Variants in RANBP2 observed in about 807,000 individuals in gnomAD.
RANBP2 encodes the protein E3 SUMO-protein ligase RanBP2.
RANBP2 carries 57 observed loss-of-function variants against 303.6 expected under a neutral mutation model. The ratio of observed to expected loss-of-function variants is 0.19; its 90% CI spans 0.15 to 0.23. The LOEUF (loss-of-function observed/expected upper bound fraction) is 0.23, where lower values mean the gene tolerates loss of function less well. RANBP2 is among the 10% of genes least tolerant of loss of function. The pLI, the probability that RANBP2 is intolerant of heterozygous loss-of-function variation, is 1.00. For synonymous variants in RANBP2, 1,167 were observed against 1,301.5 expected (o/e 0.90, Z 2.23); for missense variants, 3,138 against 3,780.8 (o/e 0.83, Z 4.46).
At chr2:109,316,391 T>C in the RANBP2 span, among the ~76,000 whole-genome samples, 3 of 152,166 alleles carry the variant, frequency 2.0e-5, no homozygotes, top group African/African-American at 7.2e-5. Flanking sequence ...GTGCCATGTT[T>C]CTCCCTGGCT....
the RANBP2 span, among the ~76,000 whole-genome samples, chr2:109,509,507 G>T: frequency 1.3e-5 from 2 of 151,956 alleles, no homozygotes; most frequent in Admixed American, 6.6e-5. Context: ...GTGGCGGGTC[G>T]TCTTGCCCGG....
the RANBP2 span, among the ~76,000 whole-genome samples, chr2:109,590,727 C>A: frequency 1.3e-5 from 2 of 152,270 alleles, no homozygotes; most frequent in East Asian, 3.9e-4. Flanking sequence ...TTATGCCCAG[C>A]CATGAGGTAA....
chr2:109,493,912 C>T, the RANBP2 span, among the ~76,000 whole-genome samples: 3 of 152,196 alleles, frequency 2.0e-5, no homozygotes, highest in Non-Finnish European at 4.4e-5. Context: ...CCTCCTCCTC[C>T]ACTTCCTCCA....
chr2:108,805,154 A>G, the RANBP2 span: 1 of 403,164 alleles, frequency 2.5e-6, no homozygotes, highest in Non-Finnish European at 4.3e-6. Context: ...ATACTTCCAA[A>G]TGTAAATAAA....
At chr2:109,229,625 G>A in the RANBP2 span, among the ~76,000 whole-genome samples, 1 of 152,084 alleles carries the variant, frequency 6.6e-6, no homozygotes, top group African/African-American at 2.4e-5. Flanking sequence ...TCTAGGAATT[G>A]GCAGCCCCTC....
intron 21 of RANBP2, 111 bp from the exon 22 acceptor site, chr2:108,772,378 G>A (rs1168491019): frequency 1.3e-6 from 1 of 768,804 alleles, no homozygotes; most frequent in African/African-American, 1.7e-5. Flanking sequence ...ATATAAAATT[G>A]GCTGCAATTC....
At chr2:108,926,348 G>A in the RANBP2 span, among the ~76,000 whole-genome samples, 2 of 152,168 alleles carry the variant, frequency 1.3e-5, no homozygotes, top group Admixed American at 6.5e-5. Context: ...TATAGCCCAG[G>A]ACAAGAGTCA....
the RANBP2 span, among the ~76,000 whole-genome samples, chr2:109,170,067 C>T: frequency 4.5e-4 from 69 of 152,290 alleles, 1 homozygote; most frequent in African/African-American, 1.5e-3. Flanking sequence ...GGCATTTTGG[C>T]CAAAACACTT....
At chr2:109,129,119 C>T in the RANBP2 span, 1 of 356,332 alleles carries the variant, frequency 2.8e-6, no homozygotes, top group Non-Finnish European at 5.3e-6. Flanking sequence ...GCGTGCACGC[C>T]GCGCCCCGGC....
intron 1 of RANBP2, among the ~76,000 whole-genome samples, chr2:108,726,307 A>G (rs558168017): frequency 1.2e-4 from 18 of 152,306 alleles, no homozygotes; most frequent in Admixed American, 5.9e-4. Context: ...GGAGTATTGC[A>G]GTGCTTGTGT....
chr2:109,397,900 C>T, the RANBP2 span, among the ~76,000 whole-genome samples: 5 of 152,234 alleles, frequency 3.3e-5, no homozygotes, highest in Admixed American at 6.5e-5. Flanking sequence ...CGCACAACGC[C>T]TGCTATCTTG....
chr2:109,377,243 G>A, the RANBP2 span, among the ~76,000 whole-genome samples: 1 of 152,194 alleles, frequency 6.6e-6, no homozygotes, highest in Non-Finnish European at 1.5e-5. Flanking sequence ...AAGCCTGAGG[G>A]TGCTGGACCT....
chr2:109,092,425 A>C, the RANBP2 span, among the ~76,000 whole-genome samples: 3 of 152,162 alleles, frequency 2.0e-5, no homozygotes, highest in Non-Finnish European at 4.4e-5. Flanking sequence ...GAATGAGGTG[A>C]CTAGTGTCTG....
In RANBP2 at chr2:108,748,905, A is replaced by C; in HGVS notation, c.1064-15A>C. 1 of 1,611,696 alleles carries C rather than the reference A, an allele frequency of 6.2e-7. No individual in the cohort carries two copies. Among genetic ancestry groups the C allele is most frequent in the African/African-American group, 1.3e-5 (1 of 74,712 alleles). On this transcript the variant is annotated splice_polypyrimidine_tract_variant and intron_variant, in intron 8 of 28. Coordinates refer to ENST00000283195, the MANE Select transcript of RANBP2 (RefSeq NM_006267.5). ...AATTTTAAAGTGATGGAAATAACTT[A>C]AATTTTTTTTTCAGGGCACATGTTG...
chr2:109,394,006 G>A, the RANBP2 span, among the ~76,000 whole-genome samples: 1 of 152,120 alleles, frequency 6.6e-6, no homozygotes. Flanking sequence ...GGAGTCAGGA[G>A]ACCCATGGCT....
At chr2:109,324,583 C>G in the RANBP2 span, among the ~76,000 whole-genome samples, 1 of 152,158 alleles carries the variant, frequency 6.6e-6, no homozygotes. Flanking sequence ...GGTTGATGAT[C>G]TGTTGACTAA....
At chr2:108,797,220 T>C in the RANBP2 span, among the ~76,000 whole-genome samples, 1 of 152,026 alleles carries the variant, frequency 6.6e-6, no homozygotes, top group Non-Finnish European at 1.5e-5. Flanking sequence ...ATATTAGTAA[T>C]TAAGTGACAG....
At chr2:108,882,906 A>T in the RANBP2 span, 2 of 152,284 alleles carry the variant, frequency 1.3e-5, no homozygotes, top group South Asian at 2.1e-4. Context: ...GGTGGGGCTA[A>T]AAAAGACCTT....
At chr2:108,776,044 A>G in intron 24 of RANBP2, 108 bp downstream of exon 24, 1 of 944,764 alleles carries the variant, frequency 1.1e-6, no homozygotes, top group South Asian at 1.5e-5. Flanking sequence ...ACACATTTTG[A>G]TATGTATAAA....
Sources: gnomAD v4.1 joint callset for allele counts (sites outside exome capture counted in the v4.1 genomes callset) on GRCh38, gnomAD v4.1.1 for gene constraint, MANE v1.5 for transcripts, NCBI Gene and HGNC (gene_info 2026-07-23, HGNC 2026-07-21) for gene names.